STIM1: variants seen among roughly 807,000 people sequenced by gnomAD.
STIM1 encodes stromal interaction molecule 1.
A neutral mutation model predicts 74.7 loss-of-function variants in STIM1; 25 were observed. The ratio of observed to expected loss-of-function variants is 0.33; its 90% CI spans 0.24 to 0.47. STIM1 has a LOEUF of 0.47. STIM1 is among the 20% of genes least tolerant of loss of function. The pLI is 1.00. For missense variants in STIM1, 728 were observed against 920.8 expected, an observed-to-expected ratio of 0.79 and a Z score of 2.71; for synonymous variants, 328 against 348.8, an observed-to-expected ratio of 0.94 and a Z score of 0.66.
chr11:3,954,367 A>G (rs1419069002), intron 1 of STIM1, among the ~76,000 whole-genome samples: 1 of 152,214 alleles, frequency 6.6e-6, no homozygotes, highest in Non-Finnish European at 1.5e-5. Flanking sequence ...CGTTCAACAA[A>G]TGTTCATTGA....
At chr11:3,915,056 T>C (rs562708588) in intron 1 of STIM1, among the ~76,000 whole-genome samples, 1 of 152,324 alleles carries the variant, frequency 6.6e-6, no homozygotes, top group African/African-American at 2.4e-5. Flanking sequence ...GCCATTTGTA[T>C]GTCTTCTTTG....
At chr11:3,924,103 C>T (rs1416214592) in intron 1 of STIM1, among the ~76,000 whole-genome samples, 1 of 151,812 alleles carries the variant, frequency 6.6e-6, no homozygotes, top group African/African-American at 2.4e-5. Context: ...CAGGCTTGAG[C>T]CACCATGCCT....
At chr11:3,947,517 G>C (rs2135644458) in intron 1 of STIM1, 1 of 152,268 alleles carries the variant, frequency 6.6e-6, no homozygotes, top group South Asian at 2.1e-4. Context: ...CTGCTGACGG[G>C]GGCCCTCTGT....
At chr11:3,867,108 A>G (rs2090889573) in intron 1 of STIM1, 1 of 152,202 alleles carries the variant, frequency 6.6e-6, no homozygotes, top group Non-Finnish European at 1.5e-5. Context: ...TAAAACTGTT[A>G]GATGAGCATG....
intron 1 of STIM1, among the ~76,000 whole-genome samples, chr11:3,898,118 A>G (rs1245067869): frequency 6.6e-6 from 1 of 151,968 alleles, no homozygotes; most frequent in African/African-American, 2.4e-5. Context: ...GAACTAGTTT[A>G]TAGTCCCACC....
chr11:3,889,686 G>A (rs150135976), intron 1 of STIM1, among the ~76,000 whole-genome samples: 8 of 152,168 alleles, frequency 5.3e-5, no homozygotes, highest in Non-Finnish European at 7.4e-5. Flanking sequence ...TCTATTAGCC[G>A]TATCTAGGCG....
At chr11:4,071,840 A>G (rs1436242395) in intron 6 of STIM1, among the ~76,000 whole-genome samples, 2 of 152,208 alleles carry the variant, frequency 1.3e-5, no homozygotes, top group African/African-American at 2.4e-5. Flanking sequence ...ATCAGTAAGT[A>G]GTGAACTAGG....
intron 2 of STIM1, among the ~76,000 whole-genome samples, chr11:3,968,970 A>G (rs1174960761): frequency 6.6e-6 from 1 of 152,242 alleles, no homozygotes; most frequent in Non-Finnish European, 1.5e-5. Context: ...AGTGAATATC[A>G]GTGCAGATCT....
At chr11:4,068,654 A>G (rs566978026) in intron 5 of STIM1, among the ~76,000 whole-genome samples, 1 of 152,094 alleles carries the variant, frequency 6.6e-6, no homozygotes, top group East Asian at 1.9e-4. Context: ...TCTTTCAGAG[A>G]GCCTGGAATA....
chr11:3,952,345 T>G (rs1433172403), intron 1 of STIM1, among the ~76,000 whole-genome samples: 3 of 152,072 alleles, frequency 2.0e-5, no homozygotes, highest in Non-Finnish European at 4.4e-5. Context: ...CAGTGAGCCA[T>G]GATCTTGCCA....
intron 1 of STIM1, among the ~76,000 whole-genome samples, chr11:3,900,338 G>A (rs539273145): frequency 5.9e-5 from 9 of 152,244 alleles, no homozygotes; most frequent in African/African-American, 1.7e-4. Flanking sequence ...GCCGTCTGTC[G>A]TCCCTTTCTT....
At chr11:3,918,543 AAG>A (rs1491065876) in intron 1 of STIM1, among the ~76,000 whole-genome samples, 124 of 42,160 alleles carry the variant, frequency 2.9e-3, no homozygotes, top group East Asian at 0.016. Flanking sequence ...CAAAAAAAAA[AAG>A]AAAGAAAGAA....
rs548503130 is a variant in STIM1 at position 3,981,161 on chromosome 11, C to T, written c.270+13479C>T. On this transcript the variant is annotated intron_variant, in intron 2 of 12. Transcript: ENST00000526596. The stretch of plus-strand genomic sequence containing the variant: ...GCCAAGCTGGTCTTGAACTCCTGAC[C>T]TTGTGATCCATCTGCCTCGGGCTCC... 9.5e-4 allele frequency among the ~76,000 whole-genome samples: 144 copies of T among 152,272 alleles called. 2 individuals are homozygous for T. Among genetic ancestry groups the T allele is most frequent in the African/African-American group, 3.4e-3 (140 of 41,554 alleles).
intron 2 of STIM1, among the ~76,000 whole-genome samples, chr11:4,004,924 A>T (rs1170763501): frequency 6.6e-6 from 1 of 152,244 alleles, no homozygotes; most frequent in Non-Finnish European, 1.5e-5. Context: ...TGGGCAAAGG[A>T]TATGAACAGA....
At chr11:4,027,013 C>T (rs545639995) in intron 3 of STIM1, among the ~76,000 whole-genome samples, 2 of 152,218 alleles carry the variant, frequency 1.3e-5, no homozygotes, top group African/African-American at 2.4e-5. Flanking sequence ...GTTCTAGTCA[C>T]GTGGTTGATT....
chr11:3,998,001 A>G (rs530362158), intron 2 of STIM1, among the ~76,000 whole-genome samples: 9 of 152,318 alleles, frequency 5.9e-5, no homozygotes, highest in South Asian at 2.1e-4. Flanking sequence ...TACCTCCTCT[A>G]TAGGTCTTCC....
intron 1 of STIM1, among the ~76,000 whole-genome samples, chr11:3,907,563 G>A (rs2092486421): frequency 6.6e-6 from 1 of 152,158 alleles, no homozygotes; most frequent in Admixed American, 6.5e-5. Flanking sequence ...TAGCCTAACT[G>A]ATTGCCCTGC....
At chr11:3,895,683 C>CTTCCTTCT (rs2092083651) in intron 1 of STIM1, among the ~76,000 whole-genome samples, 43 of 37,954 alleles carry the variant, frequency 1.1e-3, no homozygotes, top group Non-Finnish European at 1.3e-3. Context: ...TCCTTCCTTC[C>CTTCCTTCT]TTCTTTCTTT....
intron 1 of STIM1, among the ~76,000 whole-genome samples, chr11:3,938,130 G>T (rs865776247): frequency 6.6e-6 from 1 of 152,052 alleles, no homozygotes. Flanking sequence ...TAGAGACAGG[G>T]TTTTGCCATG....
Sources: allele counts gnomAD v4.1 joint callset (sites outside exome capture counted in the v4.1 genomes callset), GRCh38; gene constraint gnomAD v4.1.1; transcripts MANE v1.5; gene names NCBI Gene and HGNC (gene_info 2026-07-23, HGNC 2026-07-21).